Variants in MALRD1 observed in about 807,000 individuals in gnomAD.
The protein encoded by MALRD1 is MAM and LDL-receptor class A domain-containing protein 1.
A neutral mutation model predicts 242.1 loss-of-function variants in MALRD1; 247 were observed. That is an observed-to-expected ratio of 1.02 (90% CI 0.92 to 1.13). The LOEUF (loss-of-function observed/expected upper bound fraction) is 1.13, where lower values mean the gene tolerates loss of function less well. MALRD1 is among the 50% of genes most tolerant of loss of function. MALRD1 has a pLI of 0.00. For missense variants in MALRD1, 2,989 were observed against 2,533.1 expected, an observed-to-expected ratio of 1.18 and a Z score of -3.86; for synonymous variants, 995 against 866.6, an observed-to-expected ratio of 1.15 and a Z score of -2.60.
chr10:19,401,521 A>G (rs759909047), intron 28 of MALRD1, among the ~76,000 whole-genome samples: 2 of 152,192 alleles, frequency 1.3e-5, no homozygotes. Context: ...CTTAAATATT[A>G]TTTGAATGAC....
chr10:19,407,112 G>C (rs987651655), intron 28 of MALRD1, among the ~76,000 whole-genome samples: 2 of 152,018 alleles, frequency 1.3e-5, no homozygotes, highest in Admixed American at 1.3e-4. Context: ...TATGAGCATG[G>C]ATCAAATCCC....
chr10:19,343,692 T>C (rs1439980462), intron 24 of MALRD1, among the ~76,000 whole-genome samples: 1 of 152,082 alleles, frequency 6.6e-6, no homozygotes, highest in Non-Finnish European at 1.5e-5. Flanking sequence ...ACGTTTTCCT[T>C]TGTATTGCTT....
At chr10:19,461,126 T>C (rs895452055) in intron 29 of MALRD1, among the ~76,000 whole-genome samples, 1 of 152,088 alleles carries the variant, frequency 6.6e-6, no homozygotes, top group African/African-American at 2.4e-5. Flanking sequence ...TGAATAGATA[T>C]TGAAAAATCA....
At chr10:19,112,979 T>TA (rs1194582539) in intron 5 of MALRD1, among the ~76,000 whole-genome samples, 2 of 152,196 alleles carry the variant, frequency 1.3e-5, no homozygotes, top group Non-Finnish European at 2.9e-5. Flanking sequence ...TCAATTTGGC[T>TA]AAAAAATATT....
intron 29 of MALRD1, among the ~76,000 whole-genome samples, chr10:19,472,805 A>G (rs372896396): frequency 2.6e-5 from 4 of 151,706 alleles, no homozygotes; most frequent in Admixed American, 6.6e-5. Context: ...CTAAAGGTTT[A>G]TCAATTTTTT....
chr10:19,369,158 CTA>C (rs1459349922), intron 26 of MALRD1, among the ~76,000 whole-genome samples: 3 of 108,374 alleles, frequency 2.8e-5, no homozygotes, highest in African/African-American at 1.1e-4. Flanking sequence ...TATATATAAA[CTA>C]ATATTTATAT....
At chr10:19,412,872 T>C (rs912096506) in intron 28 of MALRD1, among the ~76,000 whole-genome samples, 13 of 152,226 alleles carry the variant, frequency 8.5e-5, no homozygotes, top group African/African-American at 2.9e-4. Context: ...CTCATAGTAA[T>C]GTTAAGTGTA....
At chr10:19,052,542 G>C (rs1026294467) in intron 1 of MALRD1, among the ~76,000 whole-genome samples, 2 of 152,140 alleles carry the variant, frequency 1.3e-5, no homozygotes, top group African/African-American at 4.8e-5. Flanking sequence ...CCTTGCTGCT[G>C]ATTACACGGC....
chr10:19,262,978 C>T (rs1425728494), intron 19 of MALRD1, among the ~76,000 whole-genome samples: 1 of 152,050 alleles, frequency 6.6e-6, no homozygotes, highest in Non-Finnish European at 1.5e-5. Context: ...TTTTTTAAAG[C>T]TGCATAATGT....
At chr10:19,283,306 G>A (rs12254051) in intron 21 of MALRD1, 125 bp downstream of exon 21, 11,152 of 819,620 alleles carry the variant, frequency 0.014, 202 homozygotes, top group African/African-American at 0.077. Context: ...AGTTGAAAAG[G>A]AGGCTGTTTT....
intron 32 of MALRD1, among the ~76,000 whole-genome samples, chr10:19,542,754 A>G (rs762551327): frequency 7.9e-5 from 12 of 152,274 alleles, no homozygotes; most frequent in Non-Finnish European, 8.8e-5. Flanking sequence ...AATCTTCTCT[A>G]TCCTTATTGT....
At chr10:19,477,490 A>G (rs71497278) in intron 29 of MALRD1, among the ~76,000 whole-genome samples, 1 of 151,908 alleles carries the variant, frequency 6.6e-6, no homozygotes, top group Non-Finnish European at 1.5e-5. Flanking sequence ...ATAAATAAAC[A>G]CAATAATTGT....
intron 21 of MALRD1, among the ~76,000 whole-genome samples, chr10:19,305,149 C>T (rs11009377): frequency 0.018 from 2,670 of 151,706 alleles, 63 homozygotes; most frequent in African/African-American, 0.059. Flanking sequence ...TGCCAGTATA[C>T]GGAGTCTTGT....
intron 27 of MALRD1, chr10:19,389,224 G>T (rs186329120): frequency 7.2e-5 from 46 of 643,178 alleles, no homozygotes; most frequent in East Asian, 4.1e-4. Flanking sequence ...CATCAGATCA[G>T]TTAATCTGCA....
chr10:19,642,106 A>G (rs1227107410), intron 36 of MALRD1, among the ~76,000 whole-genome samples: 1 of 152,196 alleles, frequency 6.6e-6, no homozygotes, highest in African/African-American at 2.4e-5. Context: ...AGTTCATAAC[A>G]TGCTTAGTTT....
At chr10:19,077,608 A>C (rs1479521827) in intron 2 of MALRD1, among the ~76,000 whole-genome samples, 1 of 151,934 alleles carries the variant, frequency 6.6e-6, no homozygotes, top group East Asian at 1.9e-4. Context: ...ATACTTTCTA[A>C]CAGGTGTCTG....
chr10:19,598,710 A>G (rs1311635773), intron 34 of MALRD1, among the ~76,000 whole-genome samples: 25 of 152,150 alleles, frequency 1.6e-4, no homozygotes, highest in Non-Finnish European at 3.7e-4. Flanking sequence ...ATAAGGTTAC[A>G]TGGCCATCAG....
chr10:19,119,785 T>A (rs144981735), intron 5 of MALRD1, among the ~76,000 whole-genome samples: 1 of 152,272 alleles, frequency 6.6e-6, no homozygotes, highest in Non-Finnish European at 1.5e-5. Flanking sequence ...GAGGTCTGCT[T>A]TGGGAAAGGG....
chr10:19,233,441 A>G (rs1446241914), intron 18 of MALRD1, among the ~76,000 whole-genome samples: 1 of 152,152 alleles, frequency 6.6e-6, no homozygotes, highest in Non-Finnish European at 1.5e-5. Flanking sequence ...GGTGGGGGTT[A>G]CAGTGAGCCG....
Sources: gnomAD v4.1 joint callset for allele counts (sites outside exome capture counted in the v4.1 genomes callset) on GRCh38, gnomAD v4.1.1 for gene constraint, MANE v1.5 for transcripts, NCBI Gene and HGNC (gene_info 2026-07-23, HGNC 2026-07-21) for gene names.